The following GAS7 variants were observed in gnomAD, a reference collection of about 807,000 sequenced individuals.
GAS7 encodes growth arrest specific 7.
Under a neutral mutation model 71.1 loss-of-function variants are expected in GAS7, and 28 were observed. The observed-to-expected ratio is 0.39, with a 90% CI of 0.29 to 0.54. GAS7 has a LOEUF of 0.54. Among genes scored for constraint, GAS7 ranks in the 20% least tolerant of loss-of-function variants. The probability of loss-of-function intolerance (pLI) is 0.62; values close to 1 mark genes in which losing one functional copy is unlikely to be tolerated. For missense variants in GAS7, 436 were observed against 627.8 expected, an observed-to-expected ratio of 0.69 and a Z score of 3.27; for synonymous variants, 258 against 245.8, an observed-to-expected ratio of 1.05 and a Z score of -0.46.
At chr17:10,069,425 C>A (rs897629229) in intron 1 of GAS7, among the ~76,000 whole-genome samples, 2 of 152,238 alleles carry the variant, frequency 1.3e-5, no homozygotes, top group African/African-American at 2.4e-5. Context: ...TCCAGGAACA[C>A]CAGCCTCTGA....
At chr17:9,957,547 A>G (rs1321791287) in intron 5 of GAS7, among the ~76,000 whole-genome samples, 1 of 152,182 alleles carries the variant, frequency 6.6e-6, no homozygotes, top group African/African-American at 2.4e-5. Flanking sequence ...TTTTTCTTCT[A>G]GAATTCAAAT....
At position 9,959,147 on chromosome 17, in the gene GAS7, G is replaced by A; in HGVS notation, c.525+55C>T. 1.3e-6 allele frequency: 2 copies of A among 1,589,562 alleles called. No individual in the cohort carries two copies. Among genetic ancestry groups the A allele is most frequent in the African/African-American group, 2.7e-5 (2 of 74,576 alleles). ...TCCACATCGCCATGGCAACAGCCCA[G>A]CCAAATGCCCCAGCTCGCAGCCCAC... On this transcript the variant is annotated intron_variant, in intron 5 of 13. Transcript: ENST00000432992. The surrounding 1 kb of genome is among the most constrained non-coding windows in gnomAD (Gnocchi z 5.0).
chr17:10,044,520 G>A (rs1051085091), intron 1 of GAS7, among the ~76,000 whole-genome samples: 7 of 152,116 alleles, frequency 4.6e-5, no homozygotes, highest in Admixed American at 2.0e-4. Flanking sequence ...TTAACTTTCT[G>A]TAGATTTGTA....
chr17:10,039,887 C>A, intron 1 of GAS7: 2 of 329,120 alleles, frequency 6.1e-6, no homozygotes, highest in Non-Finnish European at 6.1e-6. Context: ...TTGGACATAT[C>A]AATTCCTTCT....
chr17:10,099,418 G>A (rs79022676), intron 1 of GAS7, among the ~76,000 whole-genome samples: 38,423 of 152,114 alleles, frequency 0.25, 5,334 homozygotes, highest in Non-Finnish European at 0.31. Context: ...CTTTCTGGCC[G>A]GTGAAAAGTT....
chr17:10,198,289 G>A lies in GAS7; in HGVS notation c.102C>T (p.Val34=), dbSNP rs2074555844. The change falls in exon 1 of 14, where the codon GTC becomes GTT. Residue 34 remains valine (V), a synonymous_variant. Transcript: ENST00000432992. ...AAGELITLLQ[V]PDGGWWEGEK... ...CGCCTTCCCACCAGCCGCCGTCCGGGACCTGCAGCAGCGTGATCAGCTCGC... is the reference window on the plus strand; with the variant it reads ...CGCCTTCCCACCAGCCGCCGTCCGGAACCTGCAGCAGCGTGATCAGCTCGC... 1 of 1,605,140 alleles carries A rather than the reference G, an allele frequency of 6.2e-7. No individual in the cohort carries two copies. Among genetic ancestry groups the A allele is most frequent in the African/African-American group, 1.3e-5 (1 of 75,014 alleles).
At chr17:10,146,566 G>A (rs1015504997) in intron 1 of GAS7, among the ~76,000 whole-genome samples, 6 of 152,128 alleles carry the variant, frequency 3.9e-5, no homozygotes, top group Non-Finnish European at 7.4e-5. Flanking sequence ...AGCTCTGGGA[G>A]GAGGCCCAGC....
At chr17:9,995,361 G>A (rs1325189640) in intron 2 of GAS7, among the ~76,000 whole-genome samples, 1 of 152,160 alleles carries the variant, frequency 6.6e-6, no homozygotes. Flanking sequence ...GTATATGCAT[G>A]TAGATAAAAA....
intron 2 of GAS7, among the ~76,000 whole-genome samples, chr17:9,983,623 C>T (rs1411481865): frequency 1.3e-5 from 2 of 151,930 alleles, no homozygotes; most frequent in Non-Finnish European, 2.9e-5. Context: ...CCGATCTCCA[C>T]TAAAAATAAC....
At chr17:9,934,497 G>A (rs2068323265) in intron 8 of GAS7, among the ~76,000 whole-genome samples, 1 of 151,826 alleles carries the variant, frequency 6.6e-6, no homozygotes, top group Non-Finnish European at 1.5e-5. Context: ...CAGCCAAGAG[G>A]TGGGGGGGGT....
Position 9,959,893 on chromosome 17 carries a change from A to G in GAS7, c.472-638T>C, listed in dbSNP as rs1205008632. Among the ~76,000 whole-genome samples, 7 of 152,146 alleles carry G rather than the reference A, an allele frequency of 4.6e-5. No individual in the cohort carries two copies. The highest frequency in any genetic ancestry group is 4.6e-4 in the Admixed American group (7 of 15,268). ...AAAACCAGAGTCCCAAGTACCTCTG[A>G]GCCTGGGGTCCTCAGCAGTTTGCCA... On this transcript the variant is annotated intron_variant, in intron 4 of 13. Transcript: ENST00000432992. This position sits in a 1 kb window ranked among gnomAD's most constrained non-coding sequence, Gnocchi z 5.0.
At chr17:10,160,239 T>A (rs2074241975) in intron 1 of GAS7, among the ~76,000 whole-genome samples, 1 of 152,116 alleles carries the variant, frequency 6.6e-6, no homozygotes, top group Admixed American at 6.5e-5. Context: ...TAGGTTACAC[T>A]TCAACTTAAA....
chr17:9,944,015 C>T (rs1048392245), intron 6 of GAS7, among the ~76,000 whole-genome samples: 1 of 152,158 alleles, frequency 6.6e-6, no homozygotes, highest in African/African-American at 2.4e-5. Flanking sequence ...AATAAAAGTC[C>T]AAACTTGGGG....
intron 1 of GAS7, among the ~76,000 whole-genome samples, chr17:10,194,628 C>T (rs558940770): frequency 6.6e-6 from 1 of 152,316 alleles, no homozygotes; most frequent in African/African-American, 2.4e-5. Context: ...TCCCACAGCT[C>T]CTATCTCTGG....
chr17:10,172,456 G>T (rs929790780), intron 1 of GAS7, among the ~76,000 whole-genome samples: 1 of 151,878 alleles, frequency 6.6e-6, no homozygotes, highest in African/African-American at 2.4e-5. Context: ...GCAGAGGAAA[G>T]AAGAAAGGAA....
chr17:9,985,884 CGGGGGTTGCTCCCA>C (rs2070628687), intron 2 of GAS7, among the ~76,000 whole-genome samples: 1 of 152,316 alleles, frequency 6.6e-6, no homozygotes, highest in Admixed American at 6.5e-5. Context: ...CTTCCTTCCC[CGGGGGTTGCTCCCA>C]GGAGCACACA....
intron 2 of GAS7, among the ~76,000 whole-genome samples, chr17:10,005,332 C>T (rs1224044065): frequency 2.0e-5 from 3 of 150,906 alleles, no homozygotes; most frequent in African/African-American, 7.4e-5. Context: ...TATATATACA[C>T]ACACACACAC....
rs188851621 is a variant in GAS7 at position 10,025,227 on chromosome 17, A to T, written c.184-5330T>A. ...AGGGCAGCCTGGGCAATGGAGCAAGACCCCATCTCTACACAAAATTAATTA... is the reference window on the plus strand; with the variant it reads ...AGGGCAGCCTGGGCAATGGAGCAAGTCCCCATCTCTACACAAAATTAATTA... On this transcript the variant is annotated intron_variant, in intron 1 of 13. Coordinates refer to ENST00000432992, the MANE Select transcript of GAS7 (RefSeq NM_201433.2). Among the ~76,000 whole-genome samples the T allele has an allele frequency of 2.8e-3, 422 of 151,548 alleles. 1 individual carries two copies. Among genetic ancestry groups the T allele is most frequent in the African/African-American group, 9.8e-3 (403 of 41,258 alleles).
intron 1 of GAS7, chr17:10,059,615 C>A (rs1167448483): frequency 1.9e-5 from 16 of 822,478 alleles, no homozygotes; most frequent in Non-Finnish European, 2.3e-5. Flanking sequence ...GTGGCGGCTG[C>A]CTCGCACTCA....
Sources: allele counts gnomAD v4.1 joint callset (sites outside exome capture counted in the v4.1 genomes callset), GRCh38; gene constraint gnomAD v4.1.1; non-coding constraint Gnocchi (gnomAD v3.1); transcripts MANE v1.5; gene names NCBI Gene and HGNC (gene_info 2026-07-23, HGNC 2026-07-21).